CDH22: variants seen among roughly 807,000 people sequenced by gnomAD.
The protein encoded by CDH22 is cadherin-22.
Under a neutral mutation model 58.4 loss-of-function variants are expected in CDH22, and 30 were observed. The observed-to-expected ratio is 0.51, with a 90% CI of 0.38 to 0.70. CDH22 has a LOEUF of 0.70. CDH22 is among the 30% of genes least tolerant of loss of function. CDH22 has a pLI of 0.00. For missense variants in CDH22, 1,014 were observed against 1,233.9 expected (o/e 0.82, Z 2.67); for synonymous variants, 513 against 558.2 (o/e 0.92, Z 1.14).
chr20:46,268,355 G>A (rs932309949), intron 1 of CDH22, among the ~76,000 whole-genome samples: 28 of 152,222 alleles, frequency 1.8e-4, no homozygotes, highest in African/African-American at 6.0e-4. Context: ...GGCGGCCACC[G>A]CCTGCCTCGC....
chr20:46,181,744 C>CTTCCTTCCTTCG (rs2085787484), intron 10 of CDH22, among the ~76,000 whole-genome samples: 11 of 30,752 alleles, frequency 3.6e-4, no homozygotes, highest in South Asian at 3.0e-3. Flanking sequence ...TCCTTCCTTC[C>CTTCCTTCCTTCG]TTCCTTCCTT....
At chr20:46,193,351 T>C (rs1468999308) in intron 8 of CDH22, among the ~76,000 whole-genome samples, 1 of 152,032 alleles carries the variant, frequency 6.6e-6, no homozygotes, top group Admixed American at 6.6e-5. Flanking sequence ...AGCTGTGACA[T>C]GTCTCTTTCC....
At chr20:46,276,625 T>C (rs1322436481) in intron 1 of CDH22, among the ~76,000 whole-genome samples, 1 of 152,214 alleles carries the variant, frequency 6.6e-6, no homozygotes, top group Non-Finnish European at 1.5e-5. Flanking sequence ...ACTGCTGGCA[T>C]CCCCATCTTA....
chr20:46,232,621 T>G (rs2086227237), intron 3 of CDH22, among the ~76,000 whole-genome samples: 1 of 152,194 alleles, frequency 6.6e-6, no homozygotes, highest in Admixed American at 6.5e-5. Flanking sequence ...TTCTCAAACA[T>G]TTATAAAAAA....
rs564978656 is a variant in CDH22, at chr20:46,250,426, G to T, written c.255+614C>A. Among the ~76,000 whole-genome samples, 4 of 152,320 alleles carry T rather than the reference G, an allele frequency of 2.6e-5. No individual in the cohort carries two copies. In the South Asian group the frequency reaches 8.3e-4, roughly 32 times the overall value. The stretch of plus-strand genomic sequence containing the variant: ...GCAGATCTGTCCTAGCCTGGTGTGG[G>T]CAAGAAGGGTTTCTCTGAGAAAGTG... On this transcript the variant is annotated intron_variant, in intron 2 of 11. Coordinates refer to ENST00000537909, the MANE Select transcript of CDH22 (RefSeq NM_021248.3).
At chr20:46,186,799 G>A (rs200268411) in intron 9 of CDH22, 27 bp downstream of exon 9, 24 of 1,596,378 alleles carry the variant, frequency 1.5e-5, no homozygotes, top group South Asian at 4.5e-5. Flanking sequence ...TGGAAGCAAC[G>A]CCCAGTCCCC....
In CDH22 at chr20:46,241,327, C is replaced by A; in HGVS notation, c.256-70G>T. ...CTCCTCTTGGCCTCACTGTCTCATG[C>A]CATTGGCTGCCTATTCCTAAGCCCA... On this transcript the variant is annotated intron_variant, in intron 2 of 11. Transcript: ENST00000537909. The surrounding 1 kb of genome is among the most constrained non-coding windows in gnomAD (Gnocchi z 5.2). The A allele has an allele frequency of 7.6e-7, 1 of 1,310,790 alleles. No homozygotes were observed. Among genetic ancestry groups the A allele is most frequent in the South Asian group, 1.5e-5 (1 of 68,198 alleles). The allele number at this position is 1,310,790 out of a possible 1,614,324, so 81.2% of individuals were successfully genotyped here.
At chr20:46,186,300 T>C (rs2085824760) in intron 10 of CDH22, among the ~76,000 whole-genome samples, 1 of 151,442 alleles carries the variant, frequency 6.6e-6, no homozygotes, top group Admixed American at 6.6e-5. Flanking sequence ...GAACGGGGGC[T>C]CTTTCCACCC....
chr20:46,250,137 T>C (rs1047942614), intron 2 of CDH22, among the ~76,000 whole-genome samples: 2 of 152,206 alleles, frequency 1.3e-5, no homozygotes, highest in Admixed American at 6.5e-5. Flanking sequence ...CTCAGCTCCT[T>C]ATATGCCTAT....
Position 46,210,195 on chromosome 20 carries a change from C to G in CDH22, c.1286+112G>C, listed in dbSNP as rs1409834420. On this transcript the variant is annotated intron_variant, in intron 7 of 11. Coordinates refer to ENST00000537909, the MANE Select transcript of CDH22 (RefSeq NM_021248.3). This position sits in a 1 kb window ranked among gnomAD's most constrained non-coding sequence, Gnocchi z 4.5. ...CCGCGCCTCCCTCCCCCACGCAGCC[C>G]CTTCCTTCGGCCCTGCCCGCCCCAG... 2 of 1,145,944 alleles carry G rather than the reference C, an allele frequency of 1.7e-6. No homozygotes were observed. The highest frequency in any genetic ancestry group is 2.3e-6 in the Non-Finnish European group (2 of 880,246). 71.0% of individuals were successfully genotyped at this position (1,145,944 alleles called of 1,614,324 possible). A position where few individuals can be genotyped will look rare whatever the true frequency, so the allele number is the denominator to read the frequency against.
At chr20:46,277,710 GC>G (rs1461056713) in intron 1 of CDH22, among the ~76,000 whole-genome samples, 2 of 151,998 alleles carry the variant, frequency 1.3e-5, no homozygotes, top group Non-Finnish European at 2.9e-5. Context: ...AGGGGGAGGG[GC>G]CCCTTGAGGT....
In CDH22 at chr20:46,251,949, T is replaced by C. The variant is rs969479736; in HGVS notation, c.-399-256A>G. 1.3e-5 allele frequency among the ~76,000 whole-genome samples: 2 copies of C among 151,974 alleles called. No individual in the cohort carries two copies. The highest frequency in any genetic ancestry group is 1.3e-4 in the Admixed American group (2 of 15,260). On this transcript the variant is annotated intron_variant, in intron 1 of 11. Coordinates refer to ENST00000537909, the MANE Select transcript of CDH22 (RefSeq NM_021248.3). This position sits in a 1 kb window ranked among gnomAD's most constrained non-coding sequence, Gnocchi z 6.7. ...CCCTGTACTCCCAATCTCCTACGCCTTTCTCACAGCCCCTGCCCCGCTCAG... is the reference window on the plus strand; with the variant it reads ...CCCTGTACTCCCAATCTCCTACGCCCTTCTCACAGCCCCTGCCCCGCTCAG...
chr20:46,283,580 A>G (rs1485142871), intron 1 of CDH22, among the ~76,000 whole-genome samples: 2 of 152,114 alleles, frequency 1.3e-5, no homozygotes, highest in African/African-American at 2.4e-5. Context: ...AGACTTCCCC[A>G]TAGTCATTCA....
chr20:46,293,208 A>G (rs2086612546), intron 1 of CDH22, among the ~76,000 whole-genome samples: 1 of 152,142 alleles, frequency 6.6e-6, no homozygotes, highest in Admixed American at 6.5e-5. Context: ...CAGTCCTAGC[A>G]ATGGCCTGTT....
intron 1 of CDH22, among the ~76,000 whole-genome samples, chr20:46,279,477 A>G (rs1158290306): frequency 6.6e-6 from 1 of 152,244 alleles, no homozygotes; most frequent in Non-Finnish European, 1.5e-5. Flanking sequence ...GCTATATATG[A>G]CAACATTGAT....
intron 1 of CDH22, among the ~76,000 whole-genome samples, chr20:46,262,908 C>T (rs2086440246): frequency 6.6e-6 from 1 of 152,232 alleles, no homozygotes; most frequent in Non-Finnish European, 1.5e-5. Context: ...GCTCTTGCCT[C>T]TGCCAACAAT....
At chr20:46,263,878 AC>A (rs1316539913) in intron 1 of CDH22, among the ~76,000 whole-genome samples, 1 of 152,192 alleles carries the variant, frequency 6.6e-6, no homozygotes, top group African/African-American at 2.4e-5. Context: ...TGGAAGAACA[AC>A]TGTGGATGTA....
intron 4 of CDH22, among the ~76,000 whole-genome samples, chr20:46,226,723 C>G (rs372522410): frequency 6.6e-6 from 1 of 152,204 alleles, no homozygotes. Flanking sequence ...TGCTGTCTGA[C>G]ATCTCATTCC....
At chr20:46,206,900 G>T (rs2086005624) in intron 7 of CDH22, among the ~76,000 whole-genome samples, 1 of 152,162 alleles carries the variant, frequency 6.6e-6, no homozygotes, top group South Asian at 2.1e-4. Flanking sequence ...GAGAACGCAG[G>T]TGCTGCCAGA....
Sources: gnomAD v4.1 joint callset for allele counts (sites outside exome capture counted in the v4.1 genomes callset) on GRCh38, gnomAD v4.1.1 for gene constraint, Gnocchi (gnomAD v3.1) non-coding constraint, MANE v1.5 for transcripts, NCBI Gene and HGNC (gene_info 2026-07-23, HGNC 2026-07-21) for gene names.